EMC1: variants seen among roughly 807,000 people sequenced by gnomAD.
EMC1 encodes the protein ER membrane protein complex subunit 1.
In EMC1, 103 loss-of-function variants were observed where a neutral mutation model predicts 128.8. The observed-to-expected ratio is 0.80, with a 90% confidence interval of 0.68 to 0.94. EMC1 has a LOEUF of 0.94. Ranked by LOEUF, EMC1 falls within the 40% of genes least tolerant of loss-of-function variation. The probability of loss-of-function intolerance (pLI) is 0.00; values close to 1 mark genes in which losing one functional copy is unlikely to be tolerated. For synonymous variants in EMC1, 442 were observed against 490.4 expected (o/e 0.90, Z 1.30); for missense variants, 1,083 against 1,250.6 (o/e 0.87, Z 2.02).
chr1:19,234,169 G>A (rs1311613288), intron 13 of EMC1: 1 of 984,940 alleles, frequency 1.0e-6, no homozygotes, highest in Non-Finnish European at 1.2e-6. Flanking sequence ...GCAGCAAGAA[G>A]CAGGTTTTAC....
At position 19,241,096 on chromosome 1, in the gene EMC1, C is replaced by G; in HGVS notation, c.556G>C (p.Val186Leu). 1 of 1,614,200 alleles carries G rather than the reference C, an allele frequency of 6.2e-7. No homozygotes were observed. The highest frequency in any genetic ancestry group is 8.5e-7 in the Non-Finnish European group (1 of 1,180,034). ...QMVYSYGSGV[V>L]WALGVVPFSH... Reference sequence around the variant, plus strand: ...AAGGGAACAACTCCGAGGGCCCACACCACCCCAGAGCCGTAAGAATACACC... The same window carrying G: ...AAGGGAACAACTCCGAGGGCCCACAGCACCCCAGAGCCGTAAGAATACACC... The change falls in exon 6 of 23, where the codon GTG becomes CTG. Residue 186 changes from valine to leucine, a missense_variant. Val to Leu is a conservative substitution (Grantham distance 32, BLOSUM62 1). Around this residue, in one of 3 missense-constraint regions of EMC1, gnomAD observed 544 missense variants for 572.4 expected, o/e 0.95. Coordinates refer to ENST00000477853, the MANE Select transcript of EMC1 (RefSeq NM_015047.3).
chr1:19,242,434 T>TACAGACTC lies in EMC1; in HGVS notation c.412_419dup (p.Arg141SerfsTer3), dbSNP rs1193333328. 6.2e-7 allele frequency: 1 copy of TACAGACTC among 1,614,160 alleles called. No individual in the cohort carries two copies. The highest frequency in any genetic ancestry group is 1.3e-5 in the African/African-American group (1 of 75,022). On this transcript the variant is annotated frameshift_variant, in exon 5 of 23. Transcript: ENST00000477853. LOFTEE classifies it high-confidence loss of function. The stretch of plus-strand genomic sequence containing the variant: ...TCTTCTTCAGGACTGCGATGTACCT[T>TACAGACTC]ACAGACTCCTGCAGGCCAACCAGCC...
At chr1:19,237,481 G>A (rs575431669) in intron 11 of EMC1, among the ~76,000 whole-genome samples, 49 of 152,110 alleles carry the variant, frequency 3.2e-4, no homozygotes, top group Non-Finnish European at 5.6e-4. Flanking sequence ...CGGGTACCAC[G>A]CCATTCATCC....
intron 1 of EMC1, among the ~76,000 whole-genome samples, chr1:19,247,401 ATGAT>A (rs1431176672): frequency 6.6e-6 from 1 of 152,222 alleles, no homozygotes; most frequent in Non-Finnish European, 1.5e-5. Flanking sequence ...GTTTCAGTCA[ATGAT>A]TGATCGCATA....
chr1:19,221,780 T>C (rs2093433806), intron 20 of EMC1: 1 of 151,808 alleles, frequency 6.6e-6, no homozygotes, highest in Non-Finnish European at 1.5e-5. Context: ...AAGGATGAGA[T>C]TTTAGGGCTG....
intron 18 of EMC1, among the ~76,000 whole-genome samples, chr1:19,225,927 C>T (rs1421346957): frequency 6.6e-6 from 1 of 152,038 alleles, no homozygotes; most frequent in Non-Finnish European, 1.5e-5. Flanking sequence ...AATCCTCTGA[C>T]GTTGGTGCTA....
At chr1:19,240,932 A>T (rs994606288) in intron 6 of EMC1, 84 bp downstream of exon 6, 11 of 1,512,444 alleles carry the variant, frequency 7.3e-6, no homozygotes, top group African/African-American at 1.4e-5. Context: ...TGCCCAGCCA[A>T]GTTCCCTGTT....
rs755986625 is a variant in EMC1, at chr1:19,220,780, G to A, written c.2656C>T (p.Pro886Ser). ...ALLDPRRPEI[P>S]TEQSREENLI... Reference sequence around the variant, plus strand: ...GGGTCTCACCTGCTTTGTTCTGTTGGGATCTCGGGGCGGCGGGGATCCAGC... The same window carrying A: ...GGGTCTCACCTGCTTTGTTCTGTTGAGATCTCGGGGCGGCGGGGATCCAGC... Residue 886 changes from proline to serine, a missense_variant, in exon 21 of 23, where the codon CCA (proline) becomes TCA (serine). This residue lies in a region of EMC1 where 527 missense variants were observed against 644.1 expected (regional missense o/e 0.82). Coordinates refer to ENST00000477853, the MANE Select transcript of EMC1 (RefSeq NM_015047.3). 1.4e-5 allele frequency: 22 copies of A among 1,613,434 alleles called. No individual in the cohort carries two copies. In the Admixed American group the frequency reaches 1.8e-4, roughly 13 times the overall value.
chr1:19,235,509 T>G (rs1326782464), intron 12 of EMC1, among the ~76,000 whole-genome samples: 2 of 152,162 alleles, frequency 1.3e-5, no homozygotes, highest in East Asian at 1.9e-4. Flanking sequence ...GAGACCATCC[T>G]GGCTAACATG....
intron 13 of EMC1, 148 bp downstream of exon 13, chr1:19,234,982 A>C: frequency 1.3e-5 from 10 of 749,618 alleles, no homozygotes; most frequent in Non-Finnish European, 1.7e-5. Flanking sequence ...CCATGAATGC[A>C]CCGGAACCTC....
At chr1:19,235,841 T>A (rs964309758) in intron 12 of EMC1, among the ~76,000 whole-genome samples, 1 of 152,120 alleles carries the variant, frequency 6.6e-6, no homozygotes, top group Admixed American at 6.6e-5. Flanking sequence ...TGCAGTGAGC[T>A]ATGATCACGC....
intron 15 of EMC1, 110 bp downstream of exon 15, chr1:19,232,514 G>C: frequency 2.4e-6 from 3 of 1,235,936 alleles, no homozygotes; most frequent in Non-Finnish European, 3.5e-6. Context: ...TCTAACCCCT[G>C]AATGTTCCTC....
intron 17 of EMC1, chr1:19,229,335 T>C (rs1158919746): frequency 1.3e-5 from 2 of 152,230 alleles, no homozygotes; most frequent in Non-Finnish European, 2.9e-5. Flanking sequence ...ACAACCTTCT[T>C]TGAAAACATA....
chr1:19,226,938 GATTGCAT>G (rs1167196034), intron 18 of EMC1, among the ~76,000 whole-genome samples: 3 of 151,952 alleles, frequency 2.0e-5, no homozygotes, highest in African/African-American at 7.3e-5. Context: ...GAGGTGAAAG[GATTGCAT>G]AAGCCCAGGA....
rs1448410617 is a variant in EMC1, at chr1:19,221,619, G to C, written c.2588-771C>G. The C allele has an allele frequency of 7.0e-6, 1 of 142,422 alleles. No homozygotes were observed. The highest frequency in any genetic ancestry group is 1.5e-5 in the Non-Finnish European group (1 of 66,566). The allele number at this position is 142,422 out of a possible 1,614,324, so 8.8% of individuals were successfully genotyped here. On this transcript the variant is annotated intron_variant, in intron 20 of 22. Coordinates refer to ENST00000477853, the MANE Select transcript of EMC1 (RefSeq NM_015047.3). Reference sequence around the variant, plus strand: ...CCACTGCACTCCAGCCTGGGTGACAGAGCAAGACTCTGTCTCAAAAAAAAA... The same window carrying C: ...CCACTGCACTCCAGCCTGGGTGACACAGCAAGACTCTGTCTCAAAAAAAAA...
intron 18 of EMC1, among the ~76,000 whole-genome samples, chr1:19,227,029 G>GAAAC (rs1190329311): frequency 1.3e-5 from 2 of 151,242 alleles, no homozygotes; most frequent in African/African-American, 4.9e-5. Context: ...TCTGTCACAG[G>GAAAC]AAACAAACAA....
intron 18 of EMC1, among the ~76,000 whole-genome samples, chr1:19,226,657 G>A (rs2093475932): frequency 6.6e-6 from 1 of 151,802 alleles, no homozygotes. Context: ...CCAGGCTCAG[G>A]TGATCCTCCT....
intron 1 of EMC1, 129 bp downstream of exon 1, chr1:19,251,286 C>A: frequency 1.2e-6 from 1 of 847,318 alleles, no homozygotes; most frequent in Non-Finnish European, 1.9e-6. Flanking sequence ...AGGGGCCCCA[C>A]GTTTTCATTT....
chr1:19,220,434 C>T (rs2093422748), intron 21 of EMC1: 1 of 187,244 alleles, frequency 5.3e-6, no homozygotes, highest in Non-Finnish European at 1.1e-5. Flanking sequence ...TCAAAATGCA[C>T]CTTCTCAAAG....
Sources: gnomAD v4.1 joint callset for allele counts (sites outside exome capture counted in the v4.1 genomes callset) on GRCh38, gnomAD v4.1.1 for gene constraint, gnomAD v4.1.1 regional missense constraint, MANE v1.5 for transcripts, NCBI Gene and HGNC (gene_info 2026-07-23, HGNC 2026-07-21) for gene names.